The following CPVL variants were observed in gnomAD, a reference collection of about 807,000 sequenced individuals.
The protein encoded by CPVL is probable serine carboxypeptidase CPVL.
CPVL carries 51 observed loss-of-function variants against 63.7 expected under a neutral mutation model. That is an observed-to-expected ratio of 0.80 (90% CI 0.64 to 1.01). The LOEUF is 1.01. Ranked by LOEUF, CPVL falls within the 50% of genes least tolerant of loss-of-function variation. The pLI is 0.00. For synonymous variants in CPVL, 195 were observed against 206.0 expected (o/e 0.95, Z 0.46); for missense variants, 530 against 573.1 (o/e 0.92, Z 0.77).
chr7:29,118,621 C>T (rs1198366705), intron 2 of CPVL, among the ~76,000 whole-genome samples: 1 of 138,592 alleles, frequency 7.2e-6, no homozygotes, highest in Non-Finnish European at 1.6e-5. Context: ...ACAGCACTTA[C>T]ACATACCCTT....
intron 5 of CPVL, among the ~76,000 whole-genome samples, chr7:29,153,599 A>G (rs1279276614): frequency 6.6e-6 from 1 of 151,936 alleles, no homozygotes; most frequent in Non-Finnish European, 1.5e-5. Flanking sequence ...ACAGAGTCTC[A>G]CTCACTTTTG....
At chr7:29,056,869 C>G (rs1456261289) in intron 11 of CPVL, among the ~76,000 whole-genome samples, 1 of 151,738 alleles carries the variant, frequency 6.6e-6, no homozygotes, top group Admixed American at 6.6e-5. Flanking sequence ...TTGGCTATTC[C>G]AATAGGTCTG....
intron 7 of CPVL, among the ~76,000 whole-genome samples, chr7:29,072,942 C>T (rs939502295): frequency 6.6e-6 from 1 of 152,194 alleles, no homozygotes; most frequent in African/African-American, 2.4e-5. Context: ...TTTTCCAGCA[C>T]AAGGTCCTTT....
chr7:29,057,962 C>A (rs1488827532), intron 11 of CPVL, among the ~76,000 whole-genome samples: 1 of 152,138 alleles, frequency 6.6e-6, no homozygotes, highest in Non-Finnish European at 1.5e-5. Context: ...TAATGTCAAT[C>A]TTCTGACTTT....
At chr7:29,159,121 A>G (rs1282964627) in intron 5 of CPVL, among the ~76,000 whole-genome samples, 1 of 152,212 alleles carries the variant, frequency 6.6e-6, no homozygotes, top group East Asian at 1.9e-4. Flanking sequence ...TACACAGCAC[A>G]AGGAGCCCTC....
intron 12 of CPVL, 41 bp from the exon 13 acceptor site, chr7:28,995,923 G>T: frequency 8.8e-7 from 1 of 1,136,052 alleles, no homozygotes; most frequent in Non-Finnish European, 1.3e-6. Context: ...TTAGAGAAAT[G>T]GATATTCTAA....
chr7:29,164,779 C>CAAAAA (rs55742522), intron 5 of CPVL, among the ~76,000 whole-genome samples: 8 of 85,874 alleles, frequency 9.3e-5, no homozygotes, highest in Admixed American at 1.4e-4. Flanking sequence ...AGACCTGTCT[C>CAAAAA]AAAAAAAAAA....
At chr7:29,104,405 T>C (rs1050759325) in intron 3 of CPVL, among the ~76,000 whole-genome samples, 1 of 152,086 alleles carries the variant, frequency 6.6e-6, no homozygotes, top group East Asian at 1.9e-4. Flanking sequence ...GGATTACAGG[T>C]ACCTGCCACA....
Position 29,092,662 on chromosome 7 carries a change from T to C in CPVL, c.503A>G (p.Tyr168Cys). 6.2e-7 allele frequency: 1 copy of C among 1,614,020 alleles called. No individual in the cohort carries two copies. Among genetic ancestry groups the C allele is most frequent in the Non-Finnish European group, 8.5e-7 (1 of 1,179,876 alleles). Residue 168 changes from tyrosine (Y) to cysteine (C), a missense_variant, in exon 6 of 13, where the codon TAT becomes TGT. Coordinates refer to ENST00000265394, the MANE Select transcript of CPVL (RefSeq NM_031311.5). ...TGCTACATCGTCCTCATTGACTGCA[T>C]ATCCGTGGGTATCATCAGTAAAACT... ...GFSFTDDTHG[Y>C]AVNEDDVARD...
intron 7 of CPVL, among the ~76,000 whole-genome samples, chr7:29,074,913 G>A (rs892523504): frequency 7.3e-5 from 11 of 151,718 alleles, no homozygotes; most frequent in African/African-American, 2.4e-4. Flanking sequence ...CAAAGTTTAC[G>A]ATTTCTTAGA....
At chr7:29,091,656 G>A (rs183426214) in intron 6 of CPVL, among the ~76,000 whole-genome samples, 12 of 150,726 alleles carry the variant, frequency 8.0e-5, no homozygotes, top group East Asian at 5.8e-4. Flanking sequence ...AGAAGTGATC[G>A]AATCATGGAA....
chr7:29,050,491 G>T (rs1471687458), intron 11 of CPVL, among the ~76,000 whole-genome samples: 1 of 152,012 alleles, frequency 6.6e-6, no homozygotes, highest in Admixed American at 6.6e-5. Context: ...CATTTTGGTG[G>T]AATTGTAAAA....
At chr7:29,052,290 G>GA (rs916568240) in intron 11 of CPVL, among the ~76,000 whole-genome samples, 2 of 150,908 alleles carry the variant, frequency 1.3e-5, no homozygotes, top group South Asian at 2.1e-4. Context: ...AACCTATGGG[G>GA]AAAAAAATTT....
upstream of CPVL, among the ~76,000 whole-genome samples, chr7:29,151,104 T>C (rs245890): frequency 0.54 from 82,633 of 152,028 alleles, 22,962 homozygotes; most frequent in African/African-American, 0.66. Context: ...GATCAACTTA[T>C]TGAAGTGCTT....
chr7:29,146,820 T>C, upstream of CPVL: 1 of 1,550,600 alleles, frequency 6.4e-7, no homozygotes. Flanking sequence ...ATTTCAACCC[T>C]GTATTTTGAA....
At chr7:29,179,428 T>C (rs886468530) in intron 5 of CPVL, among the ~76,000 whole-genome samples, 3 of 152,232 alleles carry the variant, frequency 2.0e-5, no homozygotes, top group Admixed American at 6.5e-5. Flanking sequence ...AAACTCAGGC[T>C]GAAGTTTTGC....
chr7:29,028,736 G>C (rs1250558463), intron 12 of CPVL, among the ~76,000 whole-genome samples: 2 of 106,814 alleles, frequency 1.9e-5, no homozygotes, highest in Admixed American at 1.8e-4. Context: ...AGGCCAAGGT[G>C]GGGCAGATCA....
At chr7:29,128,714 CAA>C (rs60764606) in intron 1 of CPVL, among the ~76,000 whole-genome samples, 27,190 of 133,272 alleles carry the variant, frequency 0.2, 2,638 homozygotes, top group African/African-American at 0.23. Context: ...GACTCTGTCT[CAA>C]AAAAAAAAAA....
In CPVL at chr7:29,086,556, A is replaced by G. The variant is rs769172856; in HGVS notation, c.543-6T>C. 1 of 1,587,100 alleles carries G rather than the reference A, an allele frequency of 6.3e-7. No homozygotes were observed. Among genetic ancestry groups the G allele is most frequent in the South Asian group, 1.1e-5 (1 of 90,400 alleles). On this transcript the variant is annotated splice_polypyrimidine_tract_variant and splice_region_variant and intron_variant, in intron 6 of 12. Transcript: ENST00000265394. ...GGAAAAACTGAATTAGTGCACTGCA[A>G]AAAGAAGAACAAGAACAACACAAAT...
Sources: allele counts gnomAD v4.1 joint callset (sites outside exome capture counted in the v4.1 genomes callset), GRCh38; gene constraint gnomAD v4.1.1; transcripts MANE v1.5; gene names NCBI Gene and HGNC (gene_info 2026-07-23, HGNC 2026-07-21).